The following SLC13A3 variants were observed in gnomAD, a reference collection of about 807,000 sequenced individuals.
SLC13A3 encodes the protein solute carrier family 13 member 3.
A neutral mutation model predicts 59.0 loss-of-function variants in SLC13A3; 40 were observed. The ratio of observed to expected loss-of-function variants is 0.68; its 90% CI spans 0.53 to 0.88. SLC13A3 has a LOEUF of 0.88. SLC13A3 is among the 40% of genes least tolerant of loss of function. SLC13A3 has a pLI of 0.00. For synonymous variants in SLC13A3, 317 were observed against 330.3 expected, an observed-to-expected ratio of 0.96 and a Z score of 0.44; for missense variants, 699 against 783.2, an observed-to-expected ratio of 0.89 and a Z score of 1.28.
At chr20:46,683,447 G>A (rs182274421) in intron 1 of SLC13A3, among the ~76,000 whole-genome samples, 147 of 152,224 alleles carry the variant, frequency 9.7e-4, no homozygotes, top group African/African-American at 3.4e-3. Context: ...CACAGCTCAG[G>A]CAGAGAACTC....
intron 1 of SLC13A3, among the ~76,000 whole-genome samples, chr20:46,643,141 G>T (rs1393633052): frequency 7.6e-6 from 1 of 132,042 alleles, no homozygotes; most frequent in Non-Finnish European, 1.5e-5. Flanking sequence ...ACAATGGTAA[G>T]CAGGACAAAA....
In SLC13A3 at chr20:46,610,327, C is replaced by G. The variant is rs78666341; in HGVS notation, c.541+119G>C. 7 of 891,840 alleles carry G rather than the reference C, an allele frequency of 7.8e-6. No homozygotes were observed. In the Admixed American group the frequency reaches 1.7e-4, roughly 22 times the overall value. 55.2% of individuals were successfully genotyped at this position (891,840 alleles called of 1,614,324 possible). On this transcript the variant is annotated intron_variant, in intron 3 of 12. Coordinates refer to ENST00000279027, the MANE Select transcript of SLC13A3 (RefSeq NM_022829.6). Reference sequence around the variant, plus strand: ...TCATTGTCATAACTAAAACACCTGACGCATAGTAGGTGCTCAATAAGTGTG... The same window carrying G: ...TCATTGTCATAACTAAAACACCTGAGGCATAGTAGGTGCTCAATAAGTGTG...
chr20:46,599,879 A>G, intron 4 of SLC13A3, 92 bp downstream of exon 4: 1 of 979,260 alleles, frequency 1.0e-6, no homozygotes, highest in South Asian at 1.9e-5. Context: ...AAATTCAGGG[A>G]TGGGAGGAAA....
chr20:46,662,868 A>T (rs2063039705), intron 1 of SLC13A3, among the ~76,000 whole-genome samples: 1 of 152,222 alleles, frequency 6.6e-6, no homozygotes, highest in Non-Finnish European at 1.5e-5. Context: ...ATAAGAAACA[A>T]AGTAAATTAT....
At chr20:46,618,260 T>G (rs1464855084) in intron 1 of SLC13A3, among the ~76,000 whole-genome samples, 1 of 152,200 alleles carries the variant, frequency 6.6e-6, no homozygotes, top group Non-Finnish European at 1.5e-5. Context: ...TAGCCCATCC[T>G]TGGTTCATAT....
intron 1 of SLC13A3, among the ~76,000 whole-genome samples, chr20:46,618,573 A>G (rs1409406841): frequency 6.6e-6 from 1 of 152,218 alleles, no homozygotes; most frequent in East Asian, 1.9e-4. Context: ...GTTTCCTCAT[A>G]AAAAGGGCCT....
chr20:46,562,626 TCC>T (rs2061941066), intron 12 of SLC13A3, among the ~76,000 whole-genome samples: 1 of 152,114 alleles, frequency 6.6e-6, no homozygotes, highest in Non-Finnish European at 1.5e-5. Context: ...GAAAGCAGCC[TCC>T]TAGGAGGCGG....
At chr20:46,657,342 C>T (rs1241357343) in intron 1 of SLC13A3, among the ~76,000 whole-genome samples, 1 of 150,990 alleles carries the variant, frequency 6.6e-6, no homozygotes, top group Non-Finnish European at 1.5e-5. Context: ...CACTGCATTC[C>T]AGCCTGGATG....
intron 4 of SLC13A3, among the ~76,000 whole-genome samples, chr20:46,597,054 A>C (rs1406242897): frequency 6.6e-6 from 1 of 152,040 alleles, no homozygotes; most frequent in Non-Finnish European, 1.5e-5. Flanking sequence ...CCCTGTCTCT[A>C]AAAAAAATTA....
At chr20:46,584,599 AT>A in intron 8 of SLC13A3, 1 of 623,182 alleles carries the variant, frequency 1.6e-6, no homozygotes, top group Non-Finnish European at 2.0e-6. Flanking sequence ...CAAAACACTA[AT>A]GGTATACCAT....
intron 10 of SLC13A3, among the ~76,000 whole-genome samples, chr20:46,572,878 G>T (rs1025077104): frequency 6.6e-6 from 1 of 152,088 alleles, no homozygotes; most frequent in Admixed American, 6.5e-5. Flanking sequence ...TGGTTCCATC[G>T]TACTGCAAGC....
chr20:46,609,761 T>G (rs1273837542), intron 3 of SLC13A3, among the ~76,000 whole-genome samples: 1 of 152,238 alleles, frequency 6.6e-6, no homozygotes, highest in Non-Finnish European at 1.5e-5. Context: ...TCCACCATAT[T>G]TGCCTTTGCC....
At chr20:46,578,957 C>T (rs1600511392) in intron 9 of SLC13A3, among the ~76,000 whole-genome samples, 1 of 152,088 alleles carries the variant, frequency 6.6e-6, no homozygotes, top group Non-Finnish European at 1.5e-5. Flanking sequence ...ACCACAAGCA[C>T]ATAGTAGGTA....
At chr20:46,668,233 C>CA (rs1347427851) in intron 1 of SLC13A3, among the ~76,000 whole-genome samples, 6 of 152,206 alleles carry the variant, frequency 3.9e-5, no homozygotes, top group Non-Finnish European at 5.9e-5. Context: ...CGAAAGCCAA[C>CA]ACAGGCCAAA....
chr20:46,575,520 C>A, intron 10 of SLC13A3, 53 bp downstream of exon 10: 1 of 1,132,518 alleles, frequency 8.8e-7, no homozygotes. Context: ...CTGGGACCCG[C>A]CCACACCTGC....
chr20:46,598,211 G>A (rs2062334742), intron 4 of SLC13A3, among the ~76,000 whole-genome samples: 1 of 152,186 alleles, frequency 6.6e-6, no homozygotes, highest in Non-Finnish European at 1.5e-5. Context: ...AGAGGGCAAT[G>A]TGGACATGAG....
At chr20:46,654,374 C>G (rs2062970453), upstream of SLC13A3, among the ~76,000 whole-genome samples, 1 of 152,180 alleles carries the variant, frequency 6.6e-6, no homozygotes, top group Non-Finnish European at 1.5e-5. Flanking sequence ...AAGTTATAAT[C>G]CACTGGTATT....
intron 1 of SLC13A3, chr20:46,675,869 C>T (rs1445335128): frequency 1.3e-5 from 2 of 152,310 alleles, no homozygotes; most frequent in Non-Finnish European, 2.9e-5. Flanking sequence ...ATGGCCTACG[C>T]CAGGGTGGTC....
At chr20:46,583,155 G>T in intron 9 of SLC13A3, 1 of 794,132 alleles carries the variant, frequency 1.3e-6, no homozygotes, top group South Asian at 5.7e-5. Flanking sequence ...AGGCTATTGT[G>T]TAGGTACTTA....
Sources: gnomAD v4.1 joint callset for allele counts (sites outside exome capture counted in the v4.1 genomes callset) on GRCh38, gnomAD v4.1.1 for gene constraint, MANE v1.5 for transcripts, NCBI Gene and HGNC (gene_info 2026-07-23, HGNC 2026-07-21) for gene names.